Variants in ZNF518A observed in about 807,000 individuals in gnomAD.
ZNF518A encodes zinc finger protein 518.
A neutral mutation model predicts 102.7 loss-of-function variants in ZNF518A; 47 were observed. That is an observed-to-expected ratio of 0.46 (90% CI 0.36 to 0.58). The LOEUF (loss-of-function observed/expected upper bound fraction) is 0.58. Ranked by LOEUF, ZNF518A falls within the 20% of genes least tolerant of loss-of-function variation. ZNF518A has a pLI of 0.00. For synonymous variants in ZNF518A, 652 were observed against 594.6 expected (o/e 1.10, Z -1.40); for missense variants, 1,793 against 1,699.8 (o/e 1.05, Z -0.96).
intron 2 of ZNF518A, 128 bp from the exon 3 acceptor site, chr10:96,133,455 A>G (rs1225480492): frequency 1.3e-5 from 2 of 152,222 alleles, no homozygotes; most frequent in African/African-American, 4.8e-5. Context: ...GAGGAAAAAT[A>G]TGCCAACAAA....
At chr10:96,204,200 A>G, downstream of ZNF518A, 1 of 1,161,272 alleles carries the variant, frequency 8.6e-7, no homozygotes, top group Non-Finnish European at 1.3e-6. Flanking sequence ...AAATCAATAC[A>G]AATGGCCAAT....
At position 96,159,422 on chromosome 10, in the gene ZNF518A, T is replaced by A; in HGVS notation, c.3100T>A (p.Cys1034Ser). 1 of 1,613,798 alleles carries A rather than the reference T, an allele frequency of 6.2e-7. No individual in the cohort carries two copies. Among genetic ancestry groups the A allele is most frequent in the East Asian group, 2.2e-5 (1 of 44,884 alleles). ...TPGLCSSIGS[C>S]LSMKSSSENT... The stretch of plus-strand genomic sequence containing the variant: ...TGGACTTTGTTCCAGCATTGGCAGT[T>A]GTTTGAGCATGAAAAGTAGCTCAGA... Residue 1034 changes from cysteine (C) to serine (S), a missense_variant, in exon 6 of 6, where the codon TGT becomes AGT. This residue lies in a region of ZNF518A where 1,741 missense variants were observed against 1,622.6 expected (regional missense o/e 1.07). Coordinates refer to ENST00000316045, the MANE Select transcript of ZNF518A (RefSeq NM_001330736.2).
At chr10:96,138,437 G>C (rs1181678442) in intron 3 of ZNF518A, among the ~76,000 whole-genome samples, 1 of 152,070 alleles carries the variant, frequency 6.6e-6, no homozygotes, top group Non-Finnish European at 1.5e-5. Context: ...TGCACACTCA[G>C]GGTCATGTCA....
chr10:96,172,727 T>A (rs1554891013), intron 1 of ZNF518A, among the ~76,000 whole-genome samples: 1 of 151,946 alleles, frequency 6.6e-6, no homozygotes, highest in African/African-American at 2.4e-5. Context: ...TATTTTAAAA[T>A]AGCCAAAGAA....
At chr10:96,172,653 A>G (rs10882733) in intron 1 of ZNF518A, among the ~76,000 whole-genome samples, 46,493 of 151,836 alleles carry the variant, frequency 0.31, 8,230 homozygotes, top group East Asian at 0.67. Flanking sequence ...TGTATATTGT[A>G]AGCCCTAGAG....
At chr10:96,154,372 T>C (rs1354348370) in intron 3 of ZNF518A, among the ~76,000 whole-genome samples, 4 of 152,044 alleles carry the variant, frequency 2.6e-5, no homozygotes, top group Non-Finnish European at 5.9e-5. Context: ...GTTTCTTTCT[T>C]CCTTTCTTCC....
At chr10:96,178,021 A>G (rs1435957232) in intron 1 of ZNF518A, among the ~76,000 whole-genome samples, 1 of 152,158 alleles carries the variant, frequency 6.6e-6, no homozygotes, top group East Asian at 1.9e-4. Flanking sequence ...ATCTACAATT[A>G]TAGTTAGCTA....
Position 96,200,466 on chromosome 10 carries a change from TC to T in ZNF518A, n.36-3106del, listed in dbSNP as rs2083601831. On this transcript the variant is annotated intron_variant and non_coding_transcript_variant, in intron 1 of 2. Transcript: ENST00000442635. This position sits in a 1 kb window ranked among gnomAD's most constrained non-coding sequence, Gnocchi z 4.3. Reference sequence around the variant, plus strand: ...TTACTTTGTGGAGTGCTTTACAATTTCCAAAGCATTTTTACAAATATTATTT... The same window carrying T: ...TTACTTTGTGGAGTGCTTTACAATTTCAAAGCATTTTTACAAATATTATTT... Among the ~76,000 whole-genome samples the T allele has an allele frequency of 6.6e-6, 1 of 152,254 alleles. No homozygotes were observed. The highest frequency in any genetic ancestry group is 2.4e-5 in the African/African-American group (1 of 41,468).
At chr10:96,143,894 G>C (rs587595203) in intron 3 of ZNF518A, among the ~76,000 whole-genome samples, 34 of 152,244 alleles carry the variant, frequency 2.2e-4, no homozygotes, top group Non-Finnish European at 4.7e-4. Context: ...GTGCTTATAC[G>C]CACATATGCT....
chr10:96,179,774 CTTCCTT>C (rs1442019353), intron 1 of ZNF518A, among the ~76,000 whole-genome samples: 1 of 151,622 alleles, frequency 6.6e-6, no homozygotes, highest in Non-Finnish European at 1.5e-5. Context: ...TCTTCTTCTT[CTTCCTT>C]TTCTTCTTCC....
At chr10:96,195,855 A>C (rs1156457159) in intron 1 of ZNF518A, among the ~76,000 whole-genome samples, 1 of 152,212 alleles carries the variant, frequency 6.6e-6, no homozygotes, top group Non-Finnish European at 1.5e-5. Context: ...TGACTTTTTC[A>C]GTTTGTTTTG....
chr10:96,156,637 T>C lies in ZNF518A; in HGVS notation c.315T>C (p.Ala105=). The change falls in exon 6 of 6, where the codon GCT becomes GCC. Residue 105 remains alanine (A), a synonymous_variant. Coordinates refer to ENST00000316045, the MANE Select transcript of ZNF518A (RefSeq NM_001330736.2). ...CATTGCTTCATAAGTCTGAGAGAGC[T>C]GAAGAAGAGGGTGTAAAAATGTCTG... ...ECTLLHKSER[A]EEEGVKMSAK... 1 of 1,613,850 alleles carries C rather than the reference T, an allele frequency of 6.2e-7. No individual in the cohort carries two copies. Among genetic ancestry groups the C allele is most frequent in the Non-Finnish European group, 8.5e-7 (1 of 1,179,790 alleles).
chr10:96,150,400 AG>A (rs1469517009), intron 3 of ZNF518A, among the ~76,000 whole-genome samples: 1 of 150,226 alleles, frequency 6.7e-6, no homozygotes, highest in East Asian at 1.9e-4. Context: ...CCCTTTTTTT[AG>A]GTAACTATTA....
chr10:96,157,209 A>G lies in ZNF518A; in HGVS notation c.887A>G (p.Glu296Gly). The G allele has an allele frequency of 6.2e-7, 1 of 1,609,714 alleles. No homozygotes were observed. The highest frequency in any genetic ancestry group is 1.7e-5 in the Admixed American group (1 of 59,098). The stretch of plus-strand genomic sequence containing the variant: ...CATTTATATGCAAAAGAAAAACTGG[A>G]AAAAGACAAATATGAAAAAAGAATG... ...KEHLYAKEKL[E>G]KDKYEKRMAK... Residue 296 changes from glutamate (E) to glycine (G), a missense_variant, in exon 6 of 6, where the codon GAA becomes GGA. By Grantham distance (98) the Glu-to-Gly change is moderately conservative. Transcript: ENST00000316045.
chr10:96,160,543 C>T lies in ZNF518A; in HGVS notation c.4221C>T (p.His1407=). Residue 1407 remains histidine, a synonymous_variant, in exon 6 of 6, where the codon CAC becomes CAT. Transcript: ENST00000316045. ...CTTATGATGATTTTTCCAAGAGGCA[C>T]AAAACATTTAAACCTGTTAGTTCTG... ...KTTYDDFSKR[H]KTFKPVSSVK... is the part of the protein sequence containing the mutation. 1 of 1,612,104 alleles carries T rather than the reference C, an allele frequency of 6.2e-7. No individual in the cohort carries two copies. Among genetic ancestry groups the T allele is most frequent in the Non-Finnish European group, 8.5e-7 (1 of 1,179,240 alleles).
At chr10:96,146,739 A>G (rs1418677266) in intron 3 of ZNF518A, among the ~76,000 whole-genome samples, 1 of 152,250 alleles carries the variant, frequency 6.6e-6, no homozygotes, top group Non-Finnish European at 1.5e-5. Flanking sequence ...CTCTCTGGTC[A>G]TATCCTCCTC....
At chr10:96,148,372 G>T (rs1412583651) in intron 3 of ZNF518A, among the ~76,000 whole-genome samples, 1 of 152,146 alleles carries the variant, frequency 6.6e-6, no homozygotes, top group Non-Finnish European at 1.5e-5. Context: ...CCTGGGAGGT[G>T]GAGGTTGTGG....
In ZNF518A at chr10:96,156,243, C is replaced by T. The variant is rs1200853887; in HGVS notation, c.-80C>T. The T allele has an allele frequency of 4.3e-6, 6 of 1,396,920 alleles. No individual in the cohort carries two copies. The South Asian group carries it at 4.5e-5, about 10-fold the overall frequency. 86.5% of individuals were successfully genotyped at this position (1,396,920 alleles called of 1,614,324 possible). On this transcript the variant is annotated 5_prime_UTR_variant, in exon 6 of 6. Coordinates refer to ENST00000316045, the MANE Select transcript of ZNF518A (RefSeq NM_001330736.2). Reference sequence around the variant, plus strand: ...CCTGTATATTGAAGATGTCTCTACACAGTATCGTTTCCTGTTTAAATTACA... The same window carrying T: ...CCTGTATATTGAAGATGTCTCTACATAGTATCGTTTCCTGTTTAAATTACA...
chr10:96,196,252 A>G (rs1258760940), intron 1 of ZNF518A, among the ~76,000 whole-genome samples: 2 of 152,340 alleles, frequency 1.3e-5, no homozygotes, highest in South Asian at 4.1e-4. Flanking sequence ...CAAAACCAGA[A>G]TAAGTATCAC....
Sources: allele counts gnomAD v4.1 joint callset (sites outside exome capture counted in the v4.1 genomes callset), GRCh38; gene constraint gnomAD v4.1.1; regional missense constraint gnomAD v4.1.1; non-coding constraint Gnocchi (gnomAD v3.1); transcripts MANE v1.5; gene names NCBI Gene and HGNC (gene_info 2026-07-23, HGNC 2026-07-21).